PTPN22: variants seen among roughly 807,000 people sequenced by gnomAD.
PTPN22 encodes the protein tyrosine-protein phosphatase non-receptor type 22.
Under a neutral mutation model 103.3 loss-of-function variants are expected in PTPN22, and 85 were observed. The observed-to-expected ratio is 0.82, with a 90% CI of 0.69 to 0.99. The LOEUF (loss-of-function observed/expected upper bound fraction) is 0.99, where lower values mean the gene tolerates loss of function less well. Among genes scored for constraint, PTPN22 ranks in the 50% least tolerant of loss-of-function variants. The pLI is 0.00. For missense variants in PTPN22, 865 were observed against 936.9 expected, an observed-to-expected ratio of 0.92 and a Z score of 1.00; for synonymous variants, 323 against 310.2, an observed-to-expected ratio of 1.04 and a Z score of -0.43.
exon 13 of PTPN22, chr1:113,837,811 G>T (rs774886049): frequency 6.2e-7 from 1 of 1,613,750 alleles, no homozygotes; most frequent in Admixed American, 1.7e-5. Flanking sequence ...TTCCACTAAA[G>T]GTATGTAAGA....
chr1:113,858,206 C>T (rs1558051737), intron 4 of PTPN22, among the ~76,000 whole-genome samples: 2 of 151,978 alleles, frequency 1.3e-5, no homozygotes, highest in Admixed American at 1.3e-4. Flanking sequence ...TACAGGCACA[C>T]ACCACCACTC....
At chr1:113,842,048 A>T (rs1004442617) in intron 11 of PTPN22, among the ~76,000 whole-genome samples, 14 of 152,116 alleles carry the variant, frequency 9.2e-5, no homozygotes, top group Admixed American at 8.5e-4. Flanking sequence ...CTAAAAAAAA[A>T]ATTAAAAAAA....
At chr1:113,870,587 G>T (rs904032246) in intron 1 of PTPN22, among the ~76,000 whole-genome samples, 2 of 151,992 alleles carry the variant, frequency 1.3e-5, no homozygotes, top group Non-Finnish European at 2.9e-5. Context: ...AAGCTACCTT[G>T]TACTCATGTT....
At chr1:113,827,325 A>G (rs886286072) in intron 18 of PTPN22, among the ~76,000 whole-genome samples, 8 of 151,932 alleles carry the variant, frequency 5.3e-5, no homozygotes, top group Non-Finnish European at 1.2e-4. Flanking sequence ...TCAATCTACT[A>G]CTCAGTTTCT....
intron 10 of PTPN22, among the ~76,000 whole-genome samples, chr1:113,851,360 G>A (rs1448269812): frequency 1.3e-5 from 2 of 151,934 alleles, no homozygotes; most frequent in Non-Finnish European, 2.9e-5. Context: ...CAGCATATTG[G>A]TCAGGCTGGT....
At chr1:113,842,620 G>T (rs1197077362) in intron 11 of PTPN22, among the ~76,000 whole-genome samples, 1 of 152,090 alleles carries the variant, frequency 6.6e-6, no homozygotes, top group African/African-American at 2.4e-5. Flanking sequence ...GTTGCATTGA[G>T]CCAAGATTGC....
At chr1:113,859,684 T>C (rs1476854553) in intron 1 of PTPN22, among the ~76,000 whole-genome samples, 2 of 152,238 alleles carry the variant, frequency 1.3e-5, no homozygotes, top group African/African-American at 4.8e-5. Context: ...GAGCCATAGA[T>C]AGCGTGAACT....
At position 113,855,645 on chromosome 1, in the gene PTPN22, T is replaced by G. The variant is rs571598435; in HGVS notation, c.541-596A>C. Among the ~76,000 whole-genome samples the G allele has an allele frequency of 4.6e-5, 7 of 152,316 alleles. No homozygotes were observed. In the South Asian group the frequency reaches 1.4e-3, roughly 32 times the overall value. On this transcript the variant is annotated intron_variant, in intron 7 of 20. Transcript: ENST00000359785. ...GTTGTATCTATATCCTTTTTGAAAT[T>G]TATTCCGGTTTCTTCTCTATAGATC... is the stretch of plus-strand genomic sequence containing the variant.
intron 1 of PTPN22, among the ~76,000 whole-genome samples, chr1:113,869,726 A>G (rs1450052886): frequency 6.6e-6 from 1 of 152,128 alleles, no homozygotes; most frequent in African/African-American, 2.4e-5. Context: ...CACAACCAAA[A>G]TAAAACAGAG....
chr1:113,843,800 C>G (rs1405777125), intron 11 of PTPN22, among the ~76,000 whole-genome samples: 1 of 152,198 alleles, frequency 6.6e-6, no homozygotes, highest in African/African-American at 2.4e-5. Flanking sequence ...ATAGAATTCT[C>G]TAGTGAAACT....
Position 113,852,118 on chromosome 1 carries a change from G to C in PTPN22, c.751-14C>G. 6.4e-7 allele frequency: 1 copy of C among 1,573,698 alleles called. No homozygotes were observed. On this transcript the variant is annotated splice_polypyrimidine_tract_variant and intron_variant, in intron 9 of 20. Transcript: ENST00000359785. ...CTCAGGAATTATCTATCAAATTAAA[G>C]GGGAAAATATTCCTTTCAATATTTT...
chr1:113,864,769 G>A (rs1011307557), intron 1 of PTPN22, among the ~76,000 whole-genome samples: 6 of 152,060 alleles, frequency 3.9e-5, no homozygotes, highest in East Asian at 1.9e-4. Flanking sequence ...AAAATTAGCC[G>A]GGCATGGTGA....
At chr1:113,830,458 T>C (rs1662454997) in intron 16 of PTPN22, among the ~76,000 whole-genome samples, 1 of 152,144 alleles carries the variant, frequency 6.6e-6, no homozygotes, top group African/African-American at 2.4e-5. Flanking sequence ...GGAGAACGGT[T>C]ATATATTTAA....
chr1:113,854,850 G>A, intron 8 of PTPN22, 57 bp downstream of exon 8: 1 of 1,562,604 alleles, frequency 6.4e-7, no homozygotes. Context: ...ACACAGTCCT[G>A]GCCAGACTCT....
At chr1:113,850,488 A>G (rs1664487832) in intron 10 of PTPN22, among the ~76,000 whole-genome samples, 1 of 152,214 alleles carries the variant, frequency 6.6e-6, no homozygotes, top group Non-Finnish European at 1.5e-5. Context: ...TAGTTTTATT[A>G]AATTAGTATT....
chr1:113,820,657 C>T (rs1661517608), intron 19 of PTPN22, among the ~76,000 whole-genome samples: 1 of 152,136 alleles, frequency 6.6e-6, no homozygotes, highest in Non-Finnish European at 1.5e-5. Flanking sequence ...ACTTTGTCCA[C>T]ATTTTGCACA....
At position 113,837,619 on chromosome 1, in the gene PTPN22, G is replaced by A. The variant is rs61757796; in HGVS notation, c.1781C>T (p.Ser594Leu). 111 of 1,592,958 alleles carry A rather than the reference G, an allele frequency of 7.0e-5. 1 individual carries two copies. The South Asian group carries it at 1.1e-3, about 16-fold the overall frequency. The change falls in exon 13 of 21, where the codon TCA becomes TTA. Residue 594 changes from serine to leucine, a missense_variant. This residue lies in a region of PTPN22 where 401 missense variants were observed against 388.6 expected (regional missense o/e 1.03). Transcript: ENST00000359785. ...TACAGCTGACTCCTGGTTCAATAGTGAGGAAATATTGGTTGGAGAATTCAG... is the reference window on the plus strand; with the variant it reads ...TACAGCTGACTCCTGGTTCAATAGTAAGGAAATATTGGTTGGAGAATTCAG...
chr1:113,868,538 C>T (rs780470434), intron 1 of PTPN22, among the ~76,000 whole-genome samples: 1 of 152,218 alleles, frequency 6.6e-6, no homozygotes. Context: ...GGTGTCTCAT[C>T]TGAAACCTTT....
rs756528103 is a variant in PTPN22, at chr1:113,838,408, C to T, written c.993-1G>A. The T allele has an allele frequency of 5.4e-5, 86 of 1,582,298 alleles. No individual in the cohort carries two copies. Among genetic ancestry groups the T allele is most frequent in the Admixed American group, 5.4e-4 (29 of 53,516 alleles). ...CATCATTTTTGCTGCTTTTGTGGTA[C>T]TAAAACAAAAAGAAAGCGTAATGAT... On this transcript the variant is annotated splice_acceptor_variant, in intron 12 of 20. Transcript: ENST00000359785. LOFTEE classifies it high-confidence loss of function.
Sources: allele counts gnomAD v4.1 joint callset (sites outside exome capture counted in the v4.1 genomes callset), GRCh38; gene constraint gnomAD v4.1.1; regional missense constraint gnomAD v4.1.1; transcripts MANE v1.5; gene names NCBI Gene and HGNC (gene_info 2026-07-23, HGNC 2026-07-21).